The following SAMD12 variants were observed in gnomAD, a reference collection of about 807,000 sequenced individuals.
The protein encoded by SAMD12 is sterile alpha motif domain-containing protein 12.
In SAMD12, 9 loss-of-function variants were observed where a neutral mutation model predicts 15.0. The ratio of observed to expected loss-of-function variants is 0.60; its 90% confidence interval spans 0.36 to 1.05. SAMD12 has a LOEUF of 1.05. Ranked by LOEUF, SAMD12 falls within the 50% of genes least tolerant of loss-of-function variation. SAMD12 has a pLI of 0.01. For missense variants in SAMD12, 230 were observed against 234.2 expected, an observed-to-expected ratio of 0.98 and a Z score of 0.12; for synonymous variants, 86 against 90.1, an observed-to-expected ratio of 0.96 and a Z score of 0.25.
At chr8:118,510,357 C>T (rs1563901567) in intron 2 of SAMD12, among the ~76,000 whole-genome samples, 1 of 152,102 alleles carries the variant, frequency 6.6e-6, no homozygotes, top group Admixed American at 6.6e-5. Flanking sequence ...TGATACAGAT[C>T]ACACTCTGAG....
intron 3 of SAMD12, among the ~76,000 whole-genome samples, chr8:118,413,328 A>C (rs1821511232): frequency 6.6e-6 from 1 of 152,198 alleles, no homozygotes; most frequent in Admixed American, 6.5e-5. Context: ...TGCTTTCCTC[A>C]TAAAAACACT....
At chr8:118,487,933 ATAAT>A (rs1482276728) in intron 2 of SAMD12, among the ~76,000 whole-genome samples, 3 of 152,196 alleles carry the variant, frequency 2.0e-5, no homozygotes, top group East Asian at 3.8e-4. Flanking sequence ...CCAGCGATAT[ATAAT>A]TAATATAATC....
intron 4 of SAMD12, among the ~76,000 whole-genome samples, chr8:118,341,707 A>C (rs1817375023): frequency 6.6e-6 from 1 of 152,214 alleles, no homozygotes; most frequent in South Asian, 2.1e-4. Context: ...ATCACTTCCC[A>C]AAAGCCACAC....
At chr8:118,377,811 C>G (rs1333259995), downstream of SAMD12, among the ~76,000 whole-genome samples, 1 of 152,134 alleles carries the variant, frequency 6.6e-6, no homozygotes, top group African/African-American at 2.4e-5. Context: ...TATAGATCAT[C>G]ACCAGAGGGA....
chr8:118,139,321 A>G, the SAMD12 span, among the ~76,000 whole-genome samples: 1 of 152,090 alleles, frequency 6.6e-6, no homozygotes, highest in Non-Finnish European at 1.5e-5. Flanking sequence ...TCATTCACTC[A>G]ATGAAAATTA....
the SAMD12 span, among the ~76,000 whole-genome samples, chr8:118,158,142 T>C: frequency 6.6e-6 from 1 of 152,174 alleles, no homozygotes; most frequent in Non-Finnish European, 1.5e-5. Context: ...GACAGAGGAC[T>C]CTAGGAGATC....
chr8:118,257,732 G>T (rs973728348), intron 4 of SAMD12, among the ~76,000 whole-genome samples: 2 of 152,036 alleles, frequency 1.3e-5, no homozygotes, highest in African/African-American at 4.8e-5. Flanking sequence ...CGAGGGGAAG[G>T]CCTGGCTGGT....
At chr8:118,210,710 T>C (rs2514752) in intron 4 of SAMD12, among the ~76,000 whole-genome samples, 77,943 of 152,054 alleles carry the variant, frequency 0.51, 21,503 homozygotes, top group Non-Finnish European at 0.62. Context: ...TAAATTTGTC[T>C]TACACGGCCC....
intron 4 of SAMD12, among the ~76,000 whole-genome samples, chr8:118,215,515 C>T (rs1230829065): frequency 6.6e-6 from 1 of 151,682 alleles, no homozygotes; most frequent in Non-Finnish European, 1.5e-5. Context: ...GCACATTGTG[C>T]AGGTTAGTTA....
chr8:118,439,465 C>T (rs1340198945), intron 3 of SAMD12, among the ~76,000 whole-genome samples: 1 of 152,036 alleles, frequency 6.6e-6, no homozygotes, highest in Non-Finnish European at 1.5e-5. Context: ...CATTTTCCTA[C>T]TTAGAAACCT....
At chr8:118,467,834 G>T (rs1422934472) in intron 2 of SAMD12, among the ~76,000 whole-genome samples, 1 of 152,168 alleles carries the variant, frequency 6.6e-6, no homozygotes, top group Non-Finnish European at 1.5e-5. Flanking sequence ...TGGCTCTTTA[G>T]ATTACACATT....
chr8:118,566,475 C>T (rs1331765877), intron 2 of SAMD12, among the ~76,000 whole-genome samples: 3 of 152,206 alleles, frequency 2.0e-5, no homozygotes, highest in African/African-American at 7.2e-5. Context: ...GTAGAACTCA[C>T]TTCTGTCTTG....
chr8:118,280,743 A>T (rs1813605794), intron 4 of SAMD12, among the ~76,000 whole-genome samples: 1 of 152,188 alleles, frequency 6.6e-6, no homozygotes, highest in Admixed American at 6.5e-5. Context: ...TTTTCTCATT[A>T]GGCAACTGAG....
At chr8:118,606,465 A>G (rs932563091) in intron 1 of SAMD12, among the ~76,000 whole-genome samples, 10 of 152,160 alleles carry the variant, frequency 6.6e-5, no homozygotes, top group African/African-American at 2.4e-4. Flanking sequence ...GTATTTTGGA[A>G]AGCACAGAGT....
chr8:118,298,911 A>G (rs1800964253), intron 4 of SAMD12, among the ~76,000 whole-genome samples: 1 of 152,168 alleles, frequency 6.6e-6, no homozygotes, highest in Non-Finnish European at 1.5e-5. Context: ...TCTTTTTAAC[A>G]CTGAAATTAT....
At chr8:118,292,643 A>C (rs1814463756) in intron 4 of SAMD12, among the ~76,000 whole-genome samples, 1 of 151,908 alleles carries the variant, frequency 6.6e-6, no homozygotes, top group Admixed American at 6.6e-5. Flanking sequence ...AAAGACTTGG[A>C]ACCAACCCAA....
chr8:118,423,088 G>A (rs1031583198), intron 3 of SAMD12, among the ~76,000 whole-genome samples: 2 of 152,200 alleles, frequency 1.3e-5, no homozygotes, highest in African/African-American at 4.8e-5. Context: ...GCTGTGTGTG[G>A]AGGCTCTGGG....
chr8:118,552,372 T>C (rs367964406), intron 2 of SAMD12, among the ~76,000 whole-genome samples: 1 of 151,940 alleles, frequency 6.6e-6, no homozygotes, highest in Non-Finnish European at 1.5e-5. Flanking sequence ...GCTGGTTCAA[T>C]ATATGCAAAT....
At chr8:118,227,765 A>C (rs1812219600) in intron 4 of SAMD12, among the ~76,000 whole-genome samples, 1 of 152,196 alleles carries the variant, frequency 6.6e-6, no homozygotes, top group Non-Finnish European at 1.5e-5. Context: ...ACAAAAGCAG[A>C]TCTCAACCTT....
Sources: allele counts gnomAD v4.1 joint callset (sites outside exome capture counted in the v4.1 genomes callset), GRCh38; gene constraint gnomAD v4.1.1; transcripts MANE v1.5; gene names NCBI Gene and HGNC (gene_info 2026-07-23, HGNC 2026-07-21).